The following TMEFF2 variants were observed in gnomAD, a reference collection of about 807,000 sequenced individuals.
The protein encoded by TMEFF2 is transmembrane protein with EGF like and two follistatin like domains 2.
A neutral mutation model predicts 53.8 loss-of-function variants in TMEFF2; 28 were observed. The ratio of observed to expected loss-of-function variants is 0.52; its 90% CI spans 0.39 to 0.71. The LOEUF (loss-of-function observed/expected upper bound fraction) is 0.71, where lower values mean the gene tolerates loss of function less well. TMEFF2 is among the 30% of genes least tolerant of loss of function. The probability of loss-of-function intolerance (pLI) is 0.00; values close to 1 mark genes in which losing one functional copy is unlikely to be tolerated. For synonymous variants in TMEFF2, 162 were observed against 166.3 expected (o/e 0.97, Z 0.20); for missense variants, 353 against 455.2 (o/e 0.78, Z 2.04).
intron 4 of TMEFF2, among the ~76,000 whole-genome samples, chr2:192,095,239 A>C (rs1011218652): frequency 2.0e-5 from 3 of 152,182 alleles, no homozygotes; most frequent in Admixed American, 1.3e-4. Flanking sequence ...AAGAGAAAAT[A>C]GTTGAAGCCA....
intron 4 of TMEFF2, among the ~76,000 whole-genome samples, chr2:192,157,816 T>A (rs1574422280): frequency 6.6e-6 from 1 of 152,222 alleles, no homozygotes; most frequent in East Asian, 1.9e-4. Flanking sequence ...AAAATGACTT[T>A]TTAAAGCATC....
At chr2:192,031,915 C>A (rs187194635) in intron 5 of TMEFF2, 12 of 152,264 alleles carry the variant, frequency 7.9e-5, no homozygotes, top group African/African-American at 2.9e-4. Flanking sequence ...ATCAGAAGAT[C>A]ATTCAGATAA....
At chr2:192,125,039 A>G (rs1689643968) in intron 4 of TMEFF2, among the ~76,000 whole-genome samples, 1 of 152,226 alleles carries the variant, frequency 6.6e-6, no homozygotes, top group Non-Finnish European at 1.5e-5. Flanking sequence ...TAAAAGAGGC[A>G]TTAATTAATT....
intron 5 of TMEFF2, among the ~76,000 whole-genome samples, chr2:192,045,860 G>A (rs1273218183): frequency 2.0e-5 from 3 of 152,164 alleles, no homozygotes; most frequent in African/African-American, 7.2e-5. Context: ...TATTTACACT[G>A]GATATACATT....
At chr2:192,129,056 C>G (rs554319754) in intron 4 of TMEFF2, among the ~76,000 whole-genome samples, 136 of 152,216 alleles carry the variant, frequency 8.9e-4, no homozygotes, top group African/African-American at 3.0e-3. Context: ...GAGCACCCAG[C>G]AATCTTAACA....
At chr2:192,137,040 T>G (rs1279533793) in intron 4 of TMEFF2, among the ~76,000 whole-genome samples, 1 of 152,252 alleles carries the variant, frequency 6.6e-6, no homozygotes, top group Non-Finnish European at 1.5e-5. Flanking sequence ...TTACTTCCAT[T>G]CAACAGATAC....
intron 4 of TMEFF2, among the ~76,000 whole-genome samples, chr2:192,170,205 C>T (rs1311162698): frequency 6.6e-6 from 1 of 152,044 alleles, no homozygotes; most frequent in Non-Finnish European, 1.5e-5. Flanking sequence ...AAAGATGACA[C>T]TGTATAGCTC....
At chr2:192,075,233 C>T (rs1467759195) in intron 4 of TMEFF2, among the ~76,000 whole-genome samples, 5 of 140,158 alleles carry the variant, frequency 3.6e-5, no homozygotes, top group South Asian at 2.2e-4. Context: ...TTTGGATTAG[C>T]ATGCCTATCT....
chr2:192,096,633 C>A (rs1036812616), intron 4 of TMEFF2, among the ~76,000 whole-genome samples: 12 of 109,344 alleles, frequency 1.1e-4, no homozygotes, highest in Admixed American at 7.4e-4. Flanking sequence ...TTCTTTTTTT[C>A]TTTTCTTCTT....
At chr2:192,128,883 G>A (rs1274268686) in intron 4 of TMEFF2, among the ~76,000 whole-genome samples, 1 of 148,566 alleles carries the variant, frequency 6.7e-6, no homozygotes, top group Non-Finnish European at 1.5e-5. Context: ...TGCTGCAGCG[G>A]CGCATTTTGG....
intron 4 of TMEFF2, among the ~76,000 whole-genome samples, chr2:192,076,887 G>A (rs1688444205): frequency 6.6e-6 from 1 of 152,138 alleles, no homozygotes; most frequent in African/African-American, 2.4e-5. Flanking sequence ...AAGTGGGAGT[G>A]AAGATCAAGC....
intron 4 of TMEFF2, among the ~76,000 whole-genome samples, chr2:192,066,343 T>G (rs1688169395): frequency 6.6e-6 from 1 of 151,942 alleles, no homozygotes; most frequent in Non-Finnish European, 1.5e-5. Flanking sequence ...CCACTGATAA[T>G]TTTTAATTTT....
chr2:192,170,612 C>T (rs1690885645), intron 4 of TMEFF2, among the ~76,000 whole-genome samples: 1 of 151,922 alleles, frequency 6.6e-6, no homozygotes, highest in African/African-American at 2.4e-5. Flanking sequence ...AAAAGTTCAA[C>T]TTTATAGGAA....
At chr2:192,150,370 T>C (rs2105999599) in intron 4 of TMEFF2, among the ~76,000 whole-genome samples, 1 of 151,980 alleles carries the variant, frequency 6.6e-6, no homozygotes, top group East Asian at 1.9e-4. Flanking sequence ...CACAATTCAC[T>C]TGTATCAAGC....
At chr2:192,176,019 G>A (rs1236954869) in intron 4 of TMEFF2, among the ~76,000 whole-genome samples, 3 of 151,392 alleles carry the variant, frequency 2.0e-5, no homozygotes, top group Admixed American at 1.3e-4. Context: ...AATTTTGAGA[G>A]GAGGCACCTT....
rs1553534709 is a variant in TMEFF2, at chr2:192,193,798, A to AGAGAGAGGGAGG, written c.172+554_172+555insCCTCCCTCTCTC. 2.7e-4 allele frequency among the ~76,000 whole-genome samples: 38 copies of AGAGAGAGGGAGG among 139,914 alleles called. 1 individual carries two copies. Among genetic ancestry groups the AGAGAGAGGGAGG allele is most frequent in the African/African-American group, 9.5e-4 (34 of 35,754 alleles). The allele number at this position is 139,914 out of a possible 152,430, so 91.8% of individuals were successfully genotyped here. The stretch of plus-strand genomic sequence containing the variant: ...GAGAGAGAGAGAGAGAGAGAGAGAG[A>AGAGAGAGGGAGG]GAGAGAGAGAAATTCTATTGAAACC... On this transcript the variant is annotated intron_variant, in intron 1 of 9. Transcript: ENST00000272771.
At chr2:192,003,522 C>T (rs926673149) in intron 5 of TMEFF2, among the ~76,000 whole-genome samples, 2 of 152,162 alleles carry the variant, frequency 1.3e-5, no homozygotes, top group African/African-American at 4.8e-5. Context: ...TCTTCTCAAA[C>T]AAGCAATCCA....
intron 7 of TMEFF2, among the ~76,000 whole-genome samples, chr2:191,996,652 A>G (rs2105832696): frequency 6.6e-6 from 1 of 152,056 alleles, no homozygotes; most frequent in African/African-American, 2.4e-5. Context: ...AAAATGTGTT[A>G]TCAAACAATT....
intron 4 of TMEFF2, among the ~76,000 whole-genome samples, chr2:192,062,001 C>CT (rs1475959593): frequency 6.6e-6 from 1 of 152,202 alleles, no homozygotes; most frequent in South Asian, 2.1e-4. Context: ...TCAGAATAAA[C>CT]TTTTTTTCCT....
Sources: gnomAD v4.1 joint callset for allele counts (sites outside exome capture counted in the v4.1 genomes callset) on GRCh38, gnomAD v4.1.1 for gene constraint, MANE v1.5 for transcripts, NCBI Gene and HGNC (gene_info 2026-07-23, HGNC 2026-07-21) for gene names.